Variants in VEPH1 observed in about 807,000 individuals in gnomAD.
VEPH1 encodes ventricular zone-expressed PH domain-containing protein homolog 1.
In VEPH1, 80 loss-of-function variants were observed where a neutral mutation model predicts 85.2. The observed-to-expected ratio is 0.94, with a 90% CI of 0.78 to 1.13. The LOEUF (loss-of-function observed/expected upper bound fraction) is 1.13. Among genes scored for constraint, VEPH1 ranks in the 50% most tolerant of loss-of-function variants. The probability of loss-of-function intolerance (pLI) is 0.00; values close to 1 mark genes in which losing one functional copy is unlikely to be tolerated. For missense variants in VEPH1, 955 were observed against 980.5 expected, an observed-to-expected ratio of 0.97 and a Z score of 0.35; for synonymous variants, 297 against 348.0, an observed-to-expected ratio of 0.85 and a Z score of 1.63.
intron 4 of VEPH1, among the ~76,000 whole-genome samples, chr3:157,441,800 ACT>A (rs1164860479): frequency 5.7e-5 from 8 of 140,226 alleles, no homozygotes; most frequent in Non-Finnish European, 1.5e-5. Context: ...ACAGAGTGAG[ACT>A]CTGTCTCAAA....
intron 5 of VEPH1, among the ~76,000 whole-genome samples, chr3:157,416,146 CA>C (rs1328645204): frequency 6.6e-6 from 1 of 152,064 alleles, no homozygotes; most frequent in Non-Finnish European, 1.5e-5. Context: ...AGCAATAAAT[CA>C]AAGGAAGGTA....
intron 2 of VEPH1, among the ~76,000 whole-genome samples, chr3:157,491,053 A>T (rs185126018): frequency 8.4e-4 from 128 of 152,310 alleles, no homozygotes; most frequent in Middle Eastern, 3.4e-3. Flanking sequence ...CTATGCTGTA[A>T]TTCACTTTGG....
chr3:157,366,477 G>C (rs984731808), intron 7 of VEPH1, among the ~76,000 whole-genome samples: 3 of 152,146 alleles, frequency 2.0e-5, no homozygotes, highest in African/African-American at 7.2e-5. Flanking sequence ...GCTTATGCTT[G>C]TAATCCCAAC....
intron 3 of VEPH1, among the ~76,000 whole-genome samples, chr3:157,462,488 T>C (rs551803074): frequency 1.3e-5 from 2 of 152,214 alleles, no homozygotes; most frequent in Admixed American, 6.5e-5. Context: ...ATAAAAACGG[T>C]GGTGACAGTG....
chr3:157,370,683 G>A (rs1727386243), intron 7 of VEPH1, among the ~76,000 whole-genome samples: 1 of 152,176 alleles, frequency 6.6e-6, no homozygotes, highest in African/African-American at 2.4e-5. Flanking sequence ...AGCAGAGATG[G>A]GCAGGTACCT....
chr3:157,410,281 A>G (rs1022602740), intron 6 of VEPH1, among the ~76,000 whole-genome samples: 9 of 152,092 alleles, frequency 5.9e-5, no homozygotes, highest in African/African-American at 2.2e-4. Flanking sequence ...ATATGGTCCC[A>G]TGTTTCATTG....
intron 12 of VEPH1, among the ~76,000 whole-genome samples, chr3:157,274,850 A>G (rs1715179243): frequency 6.6e-6 from 1 of 152,108 alleles, no homozygotes; most frequent in Non-Finnish European, 1.5e-5. Context: ...ACTTCCATTT[A>G]CAAGACAGTA....
chr3:157,416,466 T>C (rs1271666876), intron 5 of VEPH1, among the ~76,000 whole-genome samples: 3 of 152,188 alleles, frequency 2.0e-5, no homozygotes, highest in East Asian at 1.9e-4. Context: ...GGAGAAGCCA[T>C]GCGAGGTCCC....
At chr3:157,481,639 T>G (rs1235388099) in intron 2 of VEPH1, among the ~76,000 whole-genome samples, 1 of 152,270 alleles carries the variant, frequency 6.6e-6, no homozygotes, top group South Asian at 2.1e-4. Context: ...TTTGTTTTTG[T>G]TGCAATTGTG....
intron 4 of VEPH1, among the ~76,000 whole-genome samples, chr3:157,441,764 C>T (rs115115917): frequency 0.015 from 2,198 of 151,168 alleles, 51 homozygotes; most frequent in African/African-American, 0.05. Flanking sequence ...GAGTCGAGAT[C>T]GCACTACTGC....
At chr3:157,423,413 A>G (rs1019340632) in intron 5 of VEPH1, among the ~76,000 whole-genome samples, 9 of 152,338 alleles carry the variant, frequency 5.9e-5, no homozygotes, top group Non-Finnish European at 1.2e-4. Context: ...GGGGTACCCA[A>G]TTGTGTCTAC....
intron 4 of VEPH1, among the ~76,000 whole-genome samples, chr3:157,435,058 A>T (rs968876355): frequency 6.6e-6 from 1 of 151,438 alleles, no homozygotes; most frequent in African/African-American, 2.4e-5. Flanking sequence ...AGCTTTTAAA[A>T]TTTTCAATTA....
chr3:157,346,726 C>T (rs887397280), intron 9 of VEPH1, among the ~76,000 whole-genome samples: 7 of 152,086 alleles, frequency 4.6e-5, no homozygotes, highest in African/African-American at 1.7e-4. Flanking sequence ...CCCACCTCAG[C>T]CTCCCAAGTA....
chr3:157,437,845 G>A, intron 4 of VEPH1: 1 of 1,496,996 alleles, frequency 6.7e-7, no homozygotes, highest in Non-Finnish European at 8.8e-7. Context: ...GGTGCTAGAG[G>A]AGCTGCGGCA....
intron 9 of VEPH1, among the ~76,000 whole-genome samples, chr3:157,325,733 GTTA>G (rs1394423156): frequency 6.6e-6 from 1 of 152,130 alleles, no homozygotes; most frequent in Non-Finnish European, 1.5e-5. Context: ...TGCTGTTTGG[GTTA>G]CTGTAGCCTT....
At chr3:157,299,579 AAG>A (rs1283389196) in intron 11 of VEPH1, among the ~76,000 whole-genome samples, 50 of 142,574 alleles carry the variant, frequency 3.5e-4, no homozygotes, top group African/African-American at 1.1e-3. Flanking sequence ...AAAAAAAAAA[AAG>A]AAAGAAAGAA....
chr3:157,404,257 G>A (rs1028741705), intron 6 of VEPH1, among the ~76,000 whole-genome samples: 6 of 152,106 alleles, frequency 3.9e-5, no homozygotes, highest in Admixed American at 2.6e-4. Context: ...CCAGGGCCAC[G>A]AGGAGGTATA....
At chr3:157,318,628 AAAAAAAAG>A (rs1721016673) in intron 9 of VEPH1, among the ~76,000 whole-genome samples, 1 of 90,994 alleles carries the variant, frequency 1.1e-5, no homozygotes, top group African/African-American at 4.4e-5. Context: ...ACAAAACAAA[AAAAAAAAG>A]AAAGAAAGAA....
At chr3:157,443,573 A>G (rs1340279030) in intron 4 of VEPH1, 2 of 152,672 alleles carry the variant, frequency 1.3e-5, no homozygotes, top group African/African-American at 2.4e-5. Context: ...TGTAAATAAA[A>G]TATTTTATAA....
Sources: allele counts gnomAD v4.1 joint callset (sites outside exome capture counted in the v4.1 genomes callset), GRCh38; gene constraint gnomAD v4.1.1; transcripts MANE v1.5; gene names NCBI Gene and HGNC (gene_info 2026-07-23, HGNC 2026-07-21).